Variants in ELF4 observed in about 807,000 individuals in gnomAD.
ELF4 encodes the protein ETS-related transcription factor Elf-4.
Under a neutral mutation model 31.7 loss-of-function variants are expected in ELF4, and 10 were observed. That is an observed-to-expected ratio of 0.32 (90% CI 0.19 to 0.54). The LOEUF is 0.54. Among genes scored for constraint, ELF4 ranks in the 20% least tolerant of loss-of-function variants. The pLI is 0.95. For missense variants in ELF4, 418 were observed against 522.0 expected (o/e 0.80, Z 1.94); for synonymous variants, 208 against 226.7 (o/e 0.92, Z 0.74).
chrX:130,111,326 C>T (rs908226061), upstream of ELF4, among the ~76,000 whole-genome samples: 7 of 112,619 alleles, frequency 6.2e-5, no homozygotes, highest in African/African-American at 2.2e-4. Flanking sequence ...CCCTTCCCCG[C>T]GGACTCGGGA....
At chrX:130,106,373 G>A (rs950424502) in intron 1 of ELF4, among the ~76,000 whole-genome samples, 3 of 111,235 alleles carry the variant, frequency 2.7e-5, no homozygotes, top group Non-Finnish European at 3.8e-5. Context: ...TCTCCCCCAC[G>A]GCGCCTAGCA....
chrX:130,067,185 C>T lies in ELF4; in HGVS notation c.1528G>A (p.Ala510Thr). 8.3e-7 allele frequency: 1 copy of T among 1,207,717 alleles called. No homozygotes were observed. Among genetic ancestry groups the T allele is most frequent in the East Asian group, 3.0e-5 (1 of 33,797 alleles). The stretch of plus-strand genomic sequence containing the variant: ...CCAGGGGGCTGAGAGCTGGGCCCTG[C>T]TGGTCCAGCCCCTGTGACCGTGGGT... ...APPTVTGAGP[A>T]GPSSQPPGTV... The change falls in exon 9 of 9, where the codon GCA (alanine) becomes ACA (threonine). Residue 510 changes from alanine to threonine, a missense_variant. This residue lies in a region of ELF4 where 260 missense variants were observed against 269.2 expected (regional missense o/e 0.97). Transcript: ENST00000308167.
chrX:130,081,128 G>C, intron 2 of ELF4, 128 bp downstream of exon 2: 1 of 810,938 alleles, frequency 1.2e-6, no homozygotes, highest in Non-Finnish European at 1.9e-6. Flanking sequence ...GAGCATAGTA[G>C]GTGCTTGATG....
chrX:130,099,228 G>A (rs1933202908), intron 1 of ELF4, among the ~76,000 whole-genome samples: 1 of 111,969 alleles, frequency 8.9e-6, no homozygotes, highest in Non-Finnish European at 1.9e-5. Flanking sequence ...GCTCCACGCA[G>A]GCTTATTGAC....
intron 1 of ELF4, among the ~76,000 whole-genome samples, chrX:130,094,160 C>A (rs1002820354): frequency 5.4e-5 from 6 of 110,790 alleles, no homozygotes; most frequent in African/African-American, 2.0e-4. Flanking sequence ...GTCAGGTGGG[C>A]GGATCATGAG....
intron 1 of ELF4, among the ~76,000 whole-genome samples, chrX:130,102,325 T>C (rs934944637): frequency 1.8e-5 from 2 of 112,248 alleles, no homozygotes; most frequent in African/African-American, 6.5e-5. Context: ...AGGCTAATAC[T>C]ACCTGATTTC....
intron 1 of ELF4, among the ~76,000 whole-genome samples, chrX:130,089,964 T>C (rs1401382513): frequency 2.7e-5 from 3 of 110,884 alleles, no homozygotes; most frequent in Non-Finnish European, 5.7e-5. Flanking sequence ...TGTCTGGACG[T>C]GGTGACTCAT....
intron 1 of ELF4, among the ~76,000 whole-genome samples, chrX:130,101,763 C>T (rs61457082): frequency 0.03 from 3,270 of 109,107 alleles, 86 homozygotes; most frequent in African/African-American, 0.088. Flanking sequence ...CACGCCATTG[C>T]ACTCCAGCCT....
intron 1 of ELF4, among the ~76,000 whole-genome samples, chrX:130,108,780 G>A (rs916473664): frequency 1.5e-4 from 16 of 110,287 alleles, no homozygotes; most frequent in African/African-American, 5.3e-4. Flanking sequence ...GAGGCTGGGT[G>A]AGGGTGGTAG....
intron 7 of ELF4, 135 bp from the exon 8 acceptor site, chrX:130,069,812 G>C: frequency 1.1e-6 from 1 of 929,853 alleles, no homozygotes; most frequent in Non-Finnish European, 1.5e-6. Flanking sequence ...GGAGCCAGCT[G>C]AGGGCCCAAG....
chrX:130,074,893 G>T, intron 2 of ELF4, 141 bp from the exon 3 acceptor site: 1 of 704,721 alleles, frequency 1.4e-6, no homozygotes, highest in Non-Finnish European at 2.2e-6. Context: ...TATAACTCTG[G>T]GTCCAGCCTC....
intron 3 of ELF4, 23 bp downstream of exon 3, chrX:130,074,558 C>A (rs1356812233): frequency 8.3e-7 from 1 of 1,211,714 alleles, no homozygotes; most frequent in South Asian, 1.8e-5. Context: ...ACCACACCTT[C>A]TCTGCCCAGG....
intron 1 of ELF4, among the ~76,000 whole-genome samples, chrX:130,109,953 T>C (rs964352174): frequency 8.9e-6 from 1 of 112,605 alleles, no homozygotes; most frequent in Admixed American, 9.3e-5. Flanking sequence ...CCGGGGGCAG[T>C]CGGATCCATC....
chrX:130,067,939 A>G (rs1932725776), intron 8 of ELF4, among the ~76,000 whole-genome samples: 2 of 111,499 alleles, frequency 1.8e-5, no homozygotes, highest in African/African-American at 3.3e-5. Flanking sequence ...CAGCCTCCCA[A>G]GTAGCTGGGA....
At chrX:130,109,855 G>A (rs189136200) in intron 1 of ELF4, among the ~76,000 whole-genome samples, 225 of 113,007 alleles carry the variant, frequency 2.0e-3, no homozygotes, top group African/African-American at 6.7e-3. Flanking sequence ...CCTGCCAAGA[G>A]GTCTCTATTT....
At chrX:130,100,256 T>G (rs1933226776) in intron 1 of ELF4, among the ~76,000 whole-genome samples, 1 of 112,159 alleles carries the variant, frequency 8.9e-6, no homozygotes, top group Non-Finnish European at 1.9e-5. Flanking sequence ...TGGCCCAGCC[T>G]CTGCCTAGCT....
At chrX:130,093,906 G>A (rs1933101607) in intron 1 of ELF4, among the ~76,000 whole-genome samples, 1 of 112,136 alleles carries the variant, frequency 8.9e-6, no homozygotes, top group Admixed American at 9.5e-5. Flanking sequence ...TTGTATCTTT[G>A]GCCAAGAACC....
intron 5 of ELF4, 43 bp downstream of exon 5, chrX:130,072,183 C>CCAACCCACCGGGA: frequency 8.5e-7 from 1 of 1,175,021 alleles, no homozygotes; most frequent in Non-Finnish European, 1.2e-6. Flanking sequence ...ACGCCCCGCC[C>CCAACCCACCGGGA]ATCCCCTCGG....
intron 8 of ELF4, 82 bp from the exon 9 acceptor site, chrX:130,067,607 A>G (rs1193520136): frequency 1.0e-6 from 1 of 982,628 alleles, no homozygotes; most frequent in African/African-American, 1.9e-5. Context: ...AGAGGAATGG[A>G]GCTGAAGGTG....
Sources: allele counts gnomAD v4.1 joint callset (sites outside exome capture counted in the v4.1 genomes callset), GRCh38; gene constraint gnomAD v4.1.1; regional missense constraint gnomAD v4.1.1; transcripts MANE v1.5; gene names NCBI Gene and HGNC (gene_info 2026-07-23, HGNC 2026-07-21).